Variants in FGF7 observed in about 807,000 individuals in gnomAD.
FGF7 encodes the protein FGF-7.
In FGF7, 6 loss-of-function variants were observed where a neutral mutation model predicts 20.5. The ratio of observed to expected loss-of-function variants is 0.29; its 90% confidence interval spans 0.16 to 0.58. FGF7 has a LOEUF of 0.58. FGF7 is among the 20% of genes least tolerant of loss of function. The pLI is 0.90. For synonymous variants in FGF7, 64 were observed against 74.7 expected (o/e 0.86, Z 0.74); for missense variants, 144 against 228.8 (o/e 0.63, Z 2.39).
intron 2 of FGF7, among the ~76,000 whole-genome samples, chr15:49,431,359 G>C (rs756749271): frequency 6.6e-6 from 1 of 151,730 alleles, no homozygotes; most frequent in African/African-American, 2.4e-5. Flanking sequence ...TAGAGAAGTC[G>C]TGTCAAATTC....
At position 49,424,379 on chromosome 15, in the gene FGF7, A is replaced by G. The variant is rs757572324; in HGVS notation, c.82A>G (p.Ile28Val). 10 of 1,613,572 alleles carry G rather than the reference A, an allele frequency of 6.2e-6. No homozygotes were observed. Among genetic ancestry groups the G allele is most frequent in the Non-Finnish European group, 8.5e-6 (10 of 1,179,718 alleles). ...TCACATTATCTGTCTAGTGGGTACT[A>G]TATCTTTAGCTTGCAATGACATGAC... Reference protein sequence around the residue: ...CFHIICLVGTISLACNDMTPE... With the variant: ...CFHIICLVGTVSLACNDMTPE... Residue 28 changes from isoleucine to valine, a missense_variant, in exon 2 of 4, where the codon ATA becomes GTA. Transcript: ENST00000267843.
chr15:49,430,886 T>C (rs774334639), intron 2 of FGF7, among the ~76,000 whole-genome samples: 7 of 146,878 alleles, frequency 4.8e-5, no homozygotes, highest in Non-Finnish European at 1.1e-4. Context: ...ATTCAAACCA[T>C]AGCAAGGGTC....
rs559719143 is a variant in FGF7, at chr15:49,424,671, C to T, written c.286+88C>T. ...GATATGTTTTCTCATCTTCCTTTTGCTTCTTGGAAAAAAAATTAAATAAAA... is the reference window on the plus strand; with the variant it reads ...GATATGTTTTCTCATCTTCCTTTTGTTTCTTGGAAAAAAAATTAAATAAAA... On this transcript the variant is annotated intron_variant, in intron 2 of 3. Coordinates refer to ENST00000267843, the MANE Select transcript of FGF7 (RefSeq NM_002009.4). 83 of 1,062,278 alleles carry T rather than the reference C, an allele frequency of 7.8e-5. No homozygotes were observed. In the South Asian group the frequency reaches 1.4e-3, roughly 18 times the overall value. 65.8% of individuals were successfully genotyped at this position (1,062,278 alleles called of 1,614,324 possible).
At chr15:49,446,860 G>A (rs1244667863) in intron 2 of FGF7, among the ~76,000 whole-genome samples, 4 of 151,522 alleles carry the variant, frequency 2.6e-5, no homozygotes, top group Non-Finnish European at 5.9e-5. Context: ...TACAAGCAGG[G>A]GGAGAAGTGA....
intron 2 of FGF7, among the ~76,000 whole-genome samples, chr15:49,456,733 G>C (rs2053329347): frequency 6.6e-6 from 1 of 152,028 alleles, no homozygotes. Flanking sequence ...AAGGATCAGG[G>C]AAGGAACTTG....
At chr15:49,439,348 T>C (rs1181350280) in intron 2 of FGF7, among the ~76,000 whole-genome samples, 1 of 151,262 alleles carries the variant, frequency 6.6e-6, no homozygotes, top group Admixed American at 6.6e-5. Flanking sequence ...ATCTTTAAGA[T>C]GGAAATTGCA....
intron 2 of FGF7, among the ~76,000 whole-genome samples, chr15:49,443,845 GTGCTA>G (rs1567286037): frequency 1.3e-5 from 2 of 151,660 alleles, no homozygotes; most frequent in Non-Finnish European, 3.0e-5. Context: ...ATATGCTTGT[GTGCTA>G]TGCTTCCTTT....
In FGF7 at chr15:49,486,272, G is replaced by A. The variant is rs1223483755; in HGVS notation, c.*1768G>A. 1.3e-5 allele frequency: 2 copies of A among 151,956 alleles called. No individual in the cohort carries two copies. The highest frequency in any genetic ancestry group is 2.9e-5 in the Non-Finnish European group (2 of 67,926). The allele number at this position is 151,956 out of a possible 1,614,324, so 9.4% of individuals were successfully genotyped here. A position where few individuals can be genotyped will look rare whatever the true frequency, so the allele number is the denominator to read the frequency against. ...TAATTTTCCTGTGGTTGACCTATAC[G>A]ACCAGGATGTAGAAAACTAGAAAGA... is the stretch of plus-strand genomic sequence containing the variant. On this transcript the variant is annotated 3_prime_UTR_variant, in exon 4 of 4. Transcript: ENST00000267843.
intron 2 of FGF7, among the ~76,000 whole-genome samples, chr15:49,481,229 T>A (rs1436144232): frequency 6.6e-6 from 1 of 152,236 alleles, no homozygotes; most frequent in Non-Finnish European, 1.5e-5. Context: ...ACAGTTTTTG[T>A]CATAAAAGTA....
chr15:49,450,683 CTT>C (rs2052642486), intron 2 of FGF7, among the ~76,000 whole-genome samples: 1 of 152,248 alleles, frequency 6.6e-6, no homozygotes, highest in Admixed American at 6.5e-5. Flanking sequence ...CCTTATGCCT[CTT>C]GATTCCCACA....
intron 2 of FGF7, among the ~76,000 whole-genome samples, chr15:49,456,278 T>C (rs1399178814): frequency 1.3e-5 from 2 of 152,130 alleles, no homozygotes; most frequent in Admixed American, 6.6e-5. Context: ...ATGATCATAA[T>C]AGAATGCTTT....
chr15:49,433,546 A>G (rs1182625908), intron 2 of FGF7, among the ~76,000 whole-genome samples: 5 of 151,736 alleles, frequency 3.3e-5, no homozygotes, highest in Non-Finnish European at 7.4e-5. Flanking sequence ...TGCTGAAATA[A>G]AAGAGAAATA....
intron 3 of FGF7, 62 bp from the exon 4 acceptor site, chr15:49,484,248 G>A (rs560303879): frequency 5.2e-5 from 65 of 1,246,884 alleles, no homozygotes; most frequent in Non-Finnish European, 6.8e-5. Context: ...CTTACTCTTC[G>A]TTTAATTGAG....
chr15:49,461,562 C>A (rs193089043), intron 2 of FGF7, among the ~76,000 whole-genome samples: 67 of 152,270 alleles, frequency 4.4e-4, no homozygotes, highest in African/African-American at 1.6e-3. Context: ...TTGAAAGAGC[C>A]ACGTACTTCT....
At chr15:49,463,941 T>C (rs529358071) in intron 2 of FGF7, among the ~76,000 whole-genome samples, 1 of 152,156 alleles carries the variant, frequency 6.6e-6, no homozygotes, top group Non-Finnish European at 1.5e-5. Flanking sequence ...TTTTTGTTTG[T>C]TTGCTTTAGA....
intron 2 of FGF7, among the ~76,000 whole-genome samples, chr15:49,481,951 T>C (rs543960130): frequency 1.3e-5 from 2 of 152,178 alleles, no homozygotes; most frequent in East Asian, 3.9e-4. Context: ...GAATAGAAAT[T>C]TTATTATCCA....
At chr15:49,427,004 A>C (rs1288679743) in intron 2 of FGF7, among the ~76,000 whole-genome samples, 1 of 151,922 alleles carries the variant, frequency 6.6e-6, no homozygotes, top group Non-Finnish European at 1.5e-5. Flanking sequence ...AGGATAAGCC[A>C]CTCTTTTTTT....
intron 2 of FGF7, among the ~76,000 whole-genome samples, chr15:49,480,060 A>C (rs1016669064): frequency 6.6e-6 from 1 of 152,214 alleles, no homozygotes; most frequent in Admixed American, 6.5e-5. Context: ...GGAACAAAAT[A>C]GACTAGAAAA....
rs1053547203 is a variant in FGF7, at chr15:49,486,840, G to C, written c.*2336G>C. On this transcript the variant is annotated 3_prime_UTR_variant, in exon 4 of 4. Transcript: ENST00000267843. Reference sequence around the variant, plus strand: ...ATGCAAATTTTAGAAAATAAAATTTGCTCTAGTTACACACCTTTAGAATTC... The same window carrying C: ...ATGCAAATTTTAGAAAATAAAATTTCCTCTAGTTACACACCTTTAGAATTC... The C allele has an allele frequency of 2.0e-5, 3 of 151,702 alleles. No homozygotes were observed. The highest frequency in any genetic ancestry group is 4.8e-5 in the African/African-American group (2 of 41,330). The allele number at this position is 151,702 out of a possible 1,614,324, so 9.4% of individuals were successfully genotyped here.
Sources: gnomAD v4.1 joint callset for allele counts (sites outside exome capture counted in the v4.1 genomes callset) on GRCh38, gnomAD v4.1.1 for gene constraint, MANE v1.5 for transcripts, NCBI Gene and HGNC (gene_info 2026-07-23, HGNC 2026-07-21) for gene names.